Variants in STXBP5L observed in about 807,000 individuals in gnomAD.
STXBP5L encodes the protein syntaxin binding protein 5L.
In STXBP5L, 65 loss-of-function variants were observed where a neutral mutation model predicts 144.5. That is an observed-to-expected ratio of 0.45 (90% CI 0.37 to 0.55). The LOEUF is 0.55. STXBP5L is among the 20% of genes least tolerant of loss of function. The probability of loss-of-function intolerance (pLI) is 0.00; values close to 1 mark genes in which losing one functional copy is unlikely to be tolerated. For synonymous variants in STXBP5L, 505 were observed against 469.6 expected (o/e 1.08, Z -0.97); for missense variants, 1,298 against 1,405.5 (o/e 0.92, Z 1.22).
chr3:121,222,929 T>C (rs999579931), intron 10 of STXBP5L, 74 bp from the exon 11 acceptor site: 32 of 1,476,314 alleles, frequency 2.2e-5, no homozygotes, highest in Non-Finnish European at 2.8e-5. Flanking sequence ...AACCTGTTCT[T>C]TATAGGTTCA....
chr3:121,316,378 T>C (rs2108526425), intron 19 of STXBP5L, among the ~76,000 whole-genome samples: 1 of 152,300 alleles, frequency 6.6e-6, no homozygotes, highest in Non-Finnish European at 1.5e-5. Flanking sequence ...TCCAGACAAA[T>C]GAGCTTAGCT....
chr3:121,312,446 C>CTTTTTTTTTTTTTT (rs58989280), intron 19 of STXBP5L, among the ~76,000 whole-genome samples: 8 of 12,752 alleles, frequency 6.3e-4, no homozygotes, highest in African/African-American at 1.7e-3. Flanking sequence ...GTATGTCAAT[C>CTTTTTTTTTTTTTT]TTTTTTTTTT....
intron 7 of STXBP5L, among the ~76,000 whole-genome samples, chr3:121,139,010 C>T (rs922755354): frequency 6.6e-6 from 1 of 151,896 alleles, no homozygotes; most frequent in Non-Finnish European, 1.5e-5. Context: ...TGTTCTTACT[C>T]ATATTGGAGG....
chr3:121,124,692 A>T (rs79725058), intron 7 of STXBP5L, among the ~76,000 whole-genome samples: 1,981 of 152,142 alleles, frequency 0.013, 20 homozygotes, highest in Non-Finnish European at 0.018. Flanking sequence ...TCTCTGGAAT[A>T]TTCTATTTAT....
chr3:121,176,704 T>C (rs1190607570), intron 9 of STXBP5L, among the ~76,000 whole-genome samples: 3 of 151,308 alleles, frequency 2.0e-5, no homozygotes, highest in African/African-American at 7.3e-5. Flanking sequence ...AAAATAAAGA[T>C]AAAATTACAA....
intron 3 of STXBP5L, among the ~76,000 whole-genome samples, chr3:121,020,846 C>G (rs1016907040): frequency 9.2e-6 from 1 of 108,464 alleles, no homozygotes; most frequent in Non-Finnish European, 1.9e-5. Context: ...TAAAACAATA[C>G]AATGAAAAAA....
intron 20 of STXBP5L, among the ~76,000 whole-genome samples, chr3:121,325,350 C>G (rs1052663790): frequency 2.6e-5 from 4 of 152,012 alleles, no homozygotes; most frequent in Admixed American, 2.0e-4. Flanking sequence ...TACAACACCC[C>G]AGCATATGCC....
chr3:120,961,716 T>C (rs533754938), intron 3 of STXBP5L, among the ~76,000 whole-genome samples: 1 of 152,350 alleles, frequency 6.6e-6, no homozygotes, highest in South Asian at 2.1e-4. Flanking sequence ...CTGTTGTGAA[T>C]AGTGCCACCA....
intron 4 of STXBP5L, 101 bp from the exon 5 acceptor site, chr3:121,045,334 A>T (rs1275132554): frequency 2.0e-6 from 2 of 994,652 alleles, no homozygotes; most frequent in Non-Finnish European, 2.9e-6. Flanking sequence ...AACAAAAGTA[A>T]CTCTTCAGGT....
At chr3:120,972,674 A>T (rs1180598555) in intron 3 of STXBP5L, among the ~76,000 whole-genome samples, 3 of 152,070 alleles carry the variant, frequency 2.0e-5, no homozygotes, top group Admixed American at 2.0e-4. Flanking sequence ...TTTCAACTCT[A>T]CCTCATTGAG....
intron 9 of STXBP5L, among the ~76,000 whole-genome samples, chr3:121,190,152 C>T (rs868710528): frequency 1.9e-4 from 29 of 151,928 alleles, no homozygotes; most frequent in South Asian, 8.3e-4. Flanking sequence ...GGAAGGTCAG[C>T]GGATAAACAT....
rs144875134 is a variant in STXBP5L, at chr3:121,020,166, G to T, written c.288-21534G>T. On this transcript the variant is annotated intron_variant, in intron 3 of 26. Coordinates refer to ENST00000471454, the MANE Select transcript of STXBP5L (RefSeq NM_001308330.2). ...GCTCGGCAATAATATTGAACAAGTAGAAGAAAGAACTTCAGAACTTGAAGA... is the reference window on the plus strand; with the variant it reads ...GCTCGGCAATAATATTGAACAAGTATAAGAAAGAACTTCAGAACTTGAAGA... Among the ~76,000 whole-genome samples the T allele has an allele frequency of 2.6e-5, 4 of 152,160 alleles. No homozygotes were observed. The East Asian group carries it at 5.8e-4, about 22-fold the overall frequency.
intron 20 of STXBP5L, among the ~76,000 whole-genome samples, chr3:121,362,629 A>C (rs1473610214): frequency 6.6e-6 from 1 of 152,168 alleles, no homozygotes; most frequent in Non-Finnish European, 1.5e-5. Flanking sequence ...CCTTCACGGC[A>C]GTGAGTTACC....
At chr3:121,182,989 T>C (rs1359412298) in intron 9 of STXBP5L, among the ~76,000 whole-genome samples, 2 of 152,256 alleles carry the variant, frequency 1.3e-5, no homozygotes, top group Non-Finnish European at 2.9e-5. Context: ...ATACCAGTGA[T>C]GCAGGGATAG....
chr3:121,083,012 A>T (rs1489878226), intron 5 of STXBP5L, among the ~76,000 whole-genome samples: 1 of 152,114 alleles, frequency 6.6e-6, no homozygotes, highest in Admixed American at 6.5e-5. Flanking sequence ...CCTGGCCAAC[A>T]TGGTGAAACC....
intron 5 of STXBP5L, among the ~76,000 whole-genome samples, chr3:121,047,176 A>T (rs995512687): frequency 6.6e-6 from 1 of 151,928 alleles, no homozygotes; most frequent in African/African-American, 2.4e-5. Context: ...CGATTTTCTT[A>T]GTATTGATTT....
At chr3:121,149,343 A>G (rs1035946935) in intron 7 of STXBP5L, among the ~76,000 whole-genome samples, 1 of 151,936 alleles carries the variant, frequency 6.6e-6, no homozygotes, top group East Asian at 1.9e-4. Context: ...CTCTCTTTCT[A>G]TGCCCTCTCC....
At chr3:121,281,899 A>G (rs2051072408) in intron 19 of STXBP5L, among the ~76,000 whole-genome samples, 1 of 151,830 alleles carries the variant, frequency 6.6e-6, no homozygotes, top group African/African-American at 2.4e-5. Context: ...TATTAATGAA[A>G]TAATTTATAC....
chr3:121,341,718 G>A (rs1053023771), intron 20 of STXBP5L, among the ~76,000 whole-genome samples: 23 of 152,080 alleles, frequency 1.5e-4, no homozygotes, highest in Admixed American at 1.5e-3. Context: ...TTTACAACAT[G>A]AATGGAACTG....
Sources: gnomAD v4.1 joint callset for allele counts (sites outside exome capture counted in the v4.1 genomes callset) on GRCh38, gnomAD v4.1.1 for gene constraint, MANE v1.5 for transcripts, NCBI Gene and HGNC (gene_info 2026-07-23, HGNC 2026-07-21) for gene names.